LRRD1: variants seen among roughly 807,000 people sequenced by gnomAD.
LRRD1 encodes the protein leucine-rich repeat and death domain-containing protein 1.
LRRD1 carries 49 observed loss-of-function variants against 69.5 expected under a neutral mutation model. The ratio of observed to expected loss-of-function variants is 0.70; its 90% CI spans 0.56 to 0.89. LRRD1 has a LOEUF of 0.89. LRRD1 is among the 40% of genes least tolerant of loss of function. LRRD1 has a pLI of 0.00. For missense variants in LRRD1, 853 were observed against 956.0 expected (o/e 0.89, Z 1.42); for synonymous variants, 303 against 338.9 (o/e 0.89, Z 1.16).
Position 92,163,565 on chromosome 7 carries a change from CTTT to C in LRRD1, c.1635_1637del (p.Ile545_Lys546delinsMet). On this transcript the variant is annotated inframe_deletion, in exon 2 of 6. Coordinates refer to ENST00000458448, the MANE Select transcript of LRRD1 (RefSeq NM_001161528.2). ...TATTAGAAATTGATGCTGGAATTTT[CTTT>C]ATTTGGTTTTTACCAAGATCCAGGT... is the stretch of plus-strand genomic sequence containing the variant. 1 of 1,530,066 alleles carries C rather than the reference CTTT, an allele frequency of 6.5e-7. No homozygotes were observed. The highest frequency in any genetic ancestry group is 8.8e-7 in the Non-Finnish European group (1 of 1,140,488). The allele number at this position is 1,530,066 out of a possible 1,614,324, so 94.8% of individuals were successfully genotyped here.
At chr7:92,145,101 T>C (rs1820285695) in intron 5 of LRRD1, 27 bp from the exon 6 acceptor site, 11 of 1,118,946 alleles carry the variant, frequency 9.8e-6, no homozygotes, top group Non-Finnish European at 1.3e-5. Flanking sequence ...ATAATATTAA[T>C]AGTTAAATAT....
intron 1 of LRRD1, among the ~76,000 whole-genome samples, chr7:92,174,482 TATATATATATATATATATATATATA>T (rs1789123856): frequency 7.0e-5 from 1 of 14,362 alleles, no homozygotes; most frequent in African/African-American, 2.9e-4. Context: ...TATATATATA[TATATATATATATATATATATATATA>T]TATTTTTTTT....
Position 92,164,122 on chromosome 7 carries a change from A to G in LRRD1, c.1081T>C (p.Leu361=), listed in dbSNP as rs1021711798. The stretch of plus-strand genomic sequence containing the variant: ...TCAATTTTGTGTGAAATAACTTCCA[A>G]TTTATTGTCGGCCAGTTGGAGTTCT... ...IKELQLADNK[L]EVISHKIENF... Residue 361 remains leucine, a synonymous_variant, in exon 2 of 6, where the codon TTG becomes CTG. Coordinates refer to ENST00000458448, the MANE Select transcript of LRRD1 (RefSeq NM_001161528.2). 45 of 1,549,410 alleles carry G rather than the reference A, an allele frequency of 2.9e-5. No individual in the cohort carries two copies. The highest frequency in any genetic ancestry group is 3.6e-5 in the South Asian group (3 of 83,696).
intron 1 of LRRD1, among the ~76,000 whole-genome samples, chr7:92,167,212 C>T (rs1788931619): frequency 6.6e-6 from 1 of 151,726 alleles, no homozygotes; most frequent in Admixed American, 6.6e-5. Context: ...TCTCCTGCCT[C>T]AGCCTCCTGA....
chr7:92,150,441 G>A (rs992090616), intron 4 of LRRD1, 93 bp downstream of exon 4: 5 of 1,107,990 alleles, frequency 4.5e-6, no homozygotes, highest in Non-Finnish European at 6.1e-6. Flanking sequence ...GTCCAGCCTG[G>A]GTGTCAGAGT....
chr7:92,147,540 C>T (rs1584649353), intron 4 of LRRD1, among the ~76,000 whole-genome samples: 1 of 151,852 alleles, frequency 6.6e-6, no homozygotes, highest in Non-Finnish European at 1.5e-5. Flanking sequence ...AAAAATTGTA[C>T]GTGCTTCTTT....
chr7:92,153,261 C>T (rs1788565281), intron 3 of LRRD1, among the ~76,000 whole-genome samples: 2 of 151,414 alleles, frequency 1.3e-5, no homozygotes, highest in South Asian at 4.2e-4. Flanking sequence ...GATGGGGTTT[C>T]ACTATGTTGG....
chr7:92,145,607 T>A (rs1391016246), intron 5 of LRRD1, among the ~76,000 whole-genome samples: 1 of 151,952 alleles, frequency 6.6e-6, no homozygotes, highest in Admixed American at 6.6e-5. Context: ...ACCGGGCTAA[T>A]TTTTTGTATT....
chr7:92,164,695 A>G lies in LRRD1; in HGVS notation c.508T>C (p.Tyr170His). ...ILKIKYVKYL[Y>H]LDKNQIKTFQ... Reference sequence around the variant, plus strand: ...GTTTTGATTTGATTCTTGTCTAAATATAGATATTTTACATATTTGATTTTT... The same window carrying G: ...GTTTTGATTTGATTCTTGTCTAAATGTAGATATTTTACATATTTGATTTTT... The change falls in exon 2 of 6, where the codon TAT (tyrosine) becomes CAT (histidine). Residue 170 changes from tyrosine (Y) to histidine (H), a missense_variant. Coordinates refer to ENST00000458448, the MANE Select transcript of LRRD1 (RefSeq NM_001161528.2). 6.4e-7 allele frequency: 1 copy of G among 1,550,944 alleles called. No homozygotes were observed. Among genetic ancestry groups the G allele is most frequent in the Non-Finnish European group, 8.7e-7 (1 of 1,146,532 alleles).
chr7:92,164,206 T>A lies in LRRD1; in HGVS notation c.997A>T (p.Met333Leu), dbSNP rs974674960. The A allele has an allele frequency of 5.8e-6, 9 of 1,549,446 alleles. No homozygotes were observed. In the Admixed American group the frequency reaches 9.9e-5, roughly 17 times the overall value. The change falls in exon 2 of 6, where the codon ATG (methionine) becomes TTG (leucine). Residue 333 changes from methionine (M) to leucine (L), a missense_variant. Met to Leu is a conservative substitution (Grantham distance 15). Transcript: ENST00000458448. ...AGAAAGGTAAGCTTATTGTGATCCATTAAAAGTGTTTCTAAATTTTTAAGC... is the reference window on the plus strand; with the variant it reads ...AGAAAGGTAAGCTTATTGTGATCCAATAAAAGTGTTTCTAAATTTTTAAGC... The part of the protein sequence containing the change: ...RELKNLETLL[M>L]DHNKLTFLAV...
At chr7:92,155,819 C>T (rs1788643037) in intron 3 of LRRD1, among the ~76,000 whole-genome samples, 1 of 152,192 alleles carries the variant, frequency 6.6e-6, no homozygotes, top group African/African-American at 2.4e-5. Flanking sequence ...GGTGTAAGTC[C>T]AAGAGTGCAA....
At chr7:92,147,249 A>G (rs796566616) in intron 4 of LRRD1, among the ~76,000 whole-genome samples, 36 of 151,894 alleles carry the variant, frequency 2.4e-4, no homozygotes, top group African/African-American at 8.7e-4. Context: ...TGTACTTTTA[A>G]TCGAGATGGG....
In LRRD1 at chr7:92,165,044, G is replaced by T. The variant is rs1327567617; in HGVS notation, c.159C>A (p.Asn53Lys). The T allele has an allele frequency of 6.4e-7, 1 of 1,551,524 alleles. No individual in the cohort carries two copies. Among genetic ancestry groups the T allele is most frequent in the Non-Finnish European group, 8.7e-7 (1 of 1,146,948 alleles). ...GTCTAGGATGTGTTTCATAAATCTG[G>T]TTAGAAGATTTCCCTTCCAGGTAAT... ...ASDYLEGKSS[N>K]QIYETHPRQN... The change falls in exon 2 of 6, where the codon AAC (asparagine) becomes AAA (lysine). Residue 53 changes from asparagine (N) to lysine (K), a missense_variant. Coordinates refer to ENST00000458448, the MANE Select transcript of LRRD1 (RefSeq NM_001161528.2).
chr7:92,142,809 T>C (rs1017722851), downstream of LRRD1: 4 of 437,796 alleles, frequency 9.1e-6, no homozygotes, highest in African/African-American at 8.2e-5. Flanking sequence ...TCTTGCTGGC[T>C]TCAAGAGTGA....
intron 1 of LRRD1, among the ~76,000 whole-genome samples, chr7:92,178,687 C>A (rs148986087): frequency 2.7e-4 from 41 of 152,124 alleles, no homozygotes; most frequent in Admixed American, 5.9e-4. Flanking sequence ...TAAATAAATA[C>A]ATACATACAT....
At chr7:92,178,095 C>T (rs1195616404) in intron 1 of LRRD1, among the ~76,000 whole-genome samples, 1 of 152,130 alleles carries the variant, frequency 6.6e-6, no homozygotes, top group Non-Finnish European at 1.5e-5. Context: ...GTGCAGATCA[C>T]GAGATCAGGA....
chr7:92,174,462 T>C (rs1173655445), intron 1 of LRRD1, among the ~76,000 whole-genome samples: 3 of 121,964 alleles, frequency 2.5e-5, no homozygotes, highest in Non-Finnish European at 5.1e-5. Flanking sequence ...ATATTATGTA[T>C]CAATTAGAAT....
chr7:92,164,268 C>T lies in LRRD1; in HGVS notation c.935G>A (p.Gly312Glu), dbSNP rs540767722. The T allele has an allele frequency of 1.9e-6, 3 of 1,550,746 alleles. No homozygotes were observed. In the African/African-American group the frequency reaches 4.1e-5, roughly 21 times the overall value. The part of the protein sequence containing the change: ...LPKLISLDLT[G>E]NLISSLPKEI... ...TTTTGGCAAACTGCTTATTAGGTTTCCAGTAAGGTCTAGTGAAATTAACTT... is the reference window on the plus strand; with the variant it reads ...TTTTGGCAAACTGCTTATTAGGTTTTCAGTAAGGTCTAGTGAAATTAACTT... The change falls in exon 2 of 6, where the codon GGA becomes GAA. Residue 312 changes from glycine to glutamate, a missense_variant. Transcript: ENST00000458448.
chr7:92,141,946 TA>T (rs1376764520), downstream of LRRD1: 34 of 151,846 alleles, frequency 2.2e-4, 1 homozygote, highest in Admixed American at 1.8e-3. Context: ...ATGTCCACAA[TA>T]TTTTTTTTTT....
Sources: allele counts gnomAD v4.1 joint callset (sites outside exome capture counted in the v4.1 genomes callset), GRCh38; gene constraint gnomAD v4.1.1; transcripts MANE v1.5; gene names NCBI Gene and HGNC (gene_info 2026-07-23, HGNC 2026-07-21).